Variants in MRTFB observed in about 807,000 individuals in gnomAD.
The protein encoded by MRTFB is myocardin-related transcription factor B.
Under a neutral mutation model 104.2 loss-of-function variants are expected in MRTFB, and 29 were observed. The observed-to-expected ratio is 0.28, with a 90% CI of 0.21 to 0.38. The LOEUF (loss-of-function observed/expected upper bound fraction) is 0.38, where lower values mean the gene tolerates loss of function less well. MRTFB is among the 10% of genes least tolerant of loss of function. The probability of loss-of-function intolerance (pLI) is 1.00; values close to 1 mark genes in which losing one functional copy is unlikely to be tolerated. For synonymous variants in MRTFB, 535 were observed against 519.5 expected (o/e 1.03, Z -0.41); for missense variants, 1,270 against 1,341.6 (o/e 0.95, Z 0.83).
chr16:14,132,651 A>G (rs1215473827), intron 2 of MRTFB, among the ~76,000 whole-genome samples: 1 of 152,250 alleles, frequency 6.6e-6, no homozygotes, highest in Non-Finnish European at 1.5e-5. Context: ...TTGTATTAAC[A>G]GACTCCAGAA....
Position 14,262,351 on chromosome 16 carries a change from T to C in MRTFB, c.*907T>C, listed in dbSNP as rs2043808276. On this transcript the variant is annotated 3_prime_UTR_variant, in exon 17 of 17. Coordinates refer to ENST00000571589, the MANE Select transcript of MRTFB (RefSeq NM_001308142.2). ...TACTTGAGCCACATGTATTTCTGTA[T>C]TTAAAGAATTGCTGACTAACTTTCA... 6.6e-6 allele frequency: 1 copy of C among 152,248 alleles called. No individual in the cohort carries two copies. The allele number at this position is 152,248 out of a possible 1,614,324, so 9.4% of individuals were successfully genotyped here. A position where few individuals can be genotyped will look rare whatever the true frequency, so the allele number is the denominator to read the frequency against.
chr16:13,998,240 G>A, the MRTFB span, among the ~76,000 whole-genome samples: 1 of 152,188 alleles, frequency 6.6e-6, no homozygotes, highest in South Asian at 2.1e-4. Context: ...GTGAAAACAT[G>A]ACACTTCAAC....
intron 3 of MRTFB, among the ~76,000 whole-genome samples, chr16:14,178,072 T>C (rs904001448): frequency 3.3e-5 from 5 of 152,116 alleles, no homozygotes; most frequent in Admixed American, 3.3e-4. Flanking sequence ...AATGAAAATA[T>C]CTTGGTATGC....
intron 15 of MRTFB, among the ~76,000 whole-genome samples, chr16:14,255,938 C>T (rs1381945581): frequency 6.6e-6 from 1 of 151,562 alleles, no homozygotes; most frequent in African/African-American, 2.4e-5. Context: ...CATGATAAAA[C>T]CCCATCATTA....
At chr16:14,076,876 C>A (rs1161637060) in intron 1 of MRTFB, among the ~76,000 whole-genome samples, 1 of 152,176 alleles carries the variant, frequency 6.6e-6, no homozygotes, top group Non-Finnish European at 1.5e-5. Context: ...GCATTGCTTT[C>A]ATTATGAATC....
chr16:14,250,236 A>T (rs2043199052), intron 13 of MRTFB, among the ~76,000 whole-genome samples: 1 of 152,198 alleles, frequency 6.6e-6, no homozygotes, highest in African/African-American at 2.4e-5. Context: ...ACTCATCACC[A>T]TGGAGATTGT....
Position 14,110,138 on chromosome 16 carries a change from T to A in MRTFB, c.-63-30406T>A, listed in dbSNP as rs12325320. The stretch of plus-strand genomic sequence containing the variant: ...AACAGTGTCTGGAGAAGTCTCAAAG[T>A]CTGAGCTGGGCTCCCTATGAAGGGG... On this transcript the variant is annotated intron_variant, in intron 2 of 16. Coordinates refer to ENST00000571589, the MANE Select transcript of MRTFB (RefSeq NM_001308142.2). 5.6e-3 allele frequency among the ~76,000 whole-genome samples: 859 copies of A among 152,324 alleles called. 9 individuals are homozygous for A. Among genetic ancestry groups the A allele is most frequent in the African/African-American group, 0.019 (801 of 41,570 alleles).
At chr16:13,995,576 C>A in the MRTFB span, among the ~76,000 whole-genome samples, 1 of 152,140 alleles carries the variant, frequency 6.6e-6, no homozygotes, top group Non-Finnish European at 1.5e-5. Context: ...TCCTTCCTGA[C>A]ACTACTATAA....
rs148529427 is a variant in MRTFB, at chr16:14,254,391, T to C, written c.2703+1889T>C. On this transcript the variant is annotated intron_variant, in intron 15 of 16. Transcript: ENST00000571589. Reference sequence around the variant, plus strand: ...ATCCACACTCAGGAAGGGAGTGATGTGGCATGATTTCCCTCTTTGTGCTGC... The same window carrying C: ...ATCCACACTCAGGAAGGGAGTGATGCGGCATGATTTCCCTCTTTGTGCTGC... Among the ~76,000 whole-genome samples the C allele has an allele frequency of 3.5e-3, 532 of 152,326 alleles. 3 individuals are homozygous for C. The highest frequency in any genetic ancestry group is 0.012 in the African/African-American group (498 of 41,578).
In MRTFB at chr16:14,161,085, C is replaced by CTTT. The variant is rs57360069; in HGVS notation, c.154+20349_154+20351dup. Among the ~76,000 whole-genome samples the CTTT allele has an allele frequency of 2.0e-3, 104 of 53,124 alleles. 21 individuals carry two copies. Among genetic ancestry groups the CTTT allele is most frequent in the African/African-American group, 6.0e-3 (62 of 10,286 alleles). The allele number at this position is 53,124 out of a possible 152,430, so 34.9% of individuals were successfully genotyped here. The stretch of plus-strand genomic sequence containing the variant: ...TCTGTTTTAGTAGGTAATGCCAGGA[C>CTTT]TTTTTTTTTTTTTTTTTTTTTTTTT... On this transcript the variant is annotated intron_variant, in intron 3 of 16. Transcript: ENST00000571589.
At chr16:14,013,085 G>A in the MRTFB span, 1 of 152,164 alleles carries the variant, frequency 6.6e-6, no homozygotes, top group Non-Finnish European at 1.5e-5. Flanking sequence ...GATTTAGGAG[G>A]CCAGTATTGA....
chr16:14,071,265 G>A (rs964744552), upstream of MRTFB: 3 of 153,724 alleles, frequency 2.0e-5, no homozygotes, highest in South Asian at 5.3e-4. Context: ...TCTAGCCTGG[G>A]GTCCGCGCGC....
At chr16:14,072,452 TA>T (rs924997288) in intron 1 of MRTFB, among the ~76,000 whole-genome samples, 2 of 151,936 alleles carry the variant, frequency 1.3e-5, no homozygotes, top group Non-Finnish European at 2.9e-5. Context: ...TTGTATTGGT[TA>T]AAAAAAATTA....
At chr16:14,167,358 T>C (rs545973076) in intron 3 of MRTFB, among the ~76,000 whole-genome samples, 1 of 152,300 alleles carries the variant, frequency 6.6e-6, no homozygotes, top group South Asian at 2.1e-4. Context: ...TTAATGTTTT[T>C]TTTTTCTTGT....
intron 3 of MRTFB, among the ~76,000 whole-genome samples, chr16:14,169,768 T>C (rs531555439): frequency 3.9e-5 from 6 of 152,314 alleles, no homozygotes; most frequent in African/African-American, 1.4e-4. Flanking sequence ...TGCATGCCTG[T>C]AATTGTAGCT....
intron 3 of MRTFB, among the ~76,000 whole-genome samples, chr16:14,164,848 A>T (rs1289883626): frequency 6.6e-6 from 1 of 152,000 alleles, no homozygotes; most frequent in Non-Finnish European, 1.5e-5. Flanking sequence ...ACCAAAGCCG[A>T]TGCTCAATTA....
chr16:14,046,000 A>G, the MRTFB span, among the ~76,000 whole-genome samples: 7 of 152,208 alleles, frequency 4.6e-5, no homozygotes, highest in Non-Finnish European at 1.0e-4. Context: ...GTTGGTCATG[A>G]ACTAAGTCAT....
chr16:14,095,349 G>C (rs564987814), intron 2 of MRTFB, among the ~76,000 whole-genome samples: 2 of 152,264 alleles, frequency 1.3e-5, no homozygotes, highest in South Asian at 4.1e-4. Context: ...GATGCCCTCT[G>C]TGCTATTAAT....
At chr16:14,153,685 G>T (rs1440768693) in intron 3 of MRTFB, among the ~76,000 whole-genome samples, 1 of 152,096 alleles carries the variant, frequency 6.6e-6, no homozygotes, top group Non-Finnish European at 1.5e-5. Context: ...AACTGTCAGG[G>T]TCCAGTGGTG....
Sources: allele counts gnomAD v4.1 joint callset (sites outside exome capture counted in the v4.1 genomes callset), GRCh38; gene constraint gnomAD v4.1.1; transcripts MANE v1.5; gene names NCBI Gene and HGNC (gene_info 2026-07-23, HGNC 2026-07-21).